Variants in GPC5 observed in about 807,000 individuals in gnomAD.
GPC5 encodes the protein glypican 5.
A neutral mutation model predicts 53.9 loss-of-function variants in GPC5; 47 were observed. The observed-to-expected ratio is 0.87, with a 90% CI of 0.69 to 1.11. The LOEUF is 1.11. Among genes scored for constraint, GPC5 ranks in the 50% most tolerant of loss-of-function variants. The probability of loss-of-function intolerance (pLI) is 0.00; values close to 1 mark genes in which losing one functional copy is unlikely to be tolerated. For missense variants in GPC5, 748 were observed against 713.1 expected (o/e 1.05, Z -0.56); for synonymous variants, 286 against 263.3 (o/e 1.09, Z -0.84).
In GPC5 at chr13:92,045,133, C is replaced by G. The variant is rs151062270; in HGVS notation, c.1402-99697C>G. ...TTCCCTCCATAGAACTTGTACCCCC[C>G]AAAACTGCTAACAGAGCAGTTGAAT... is the stretch of plus-strand genomic sequence containing the variant. On this transcript the variant is annotated intron_variant, in intron 6 of 7. Coordinates refer to ENST00000377067, the MANE Select transcript of GPC5 (RefSeq NM_004466.6). 8.2e-3 allele frequency among the ~76,000 whole-genome samples: 1,252 copies of G among 152,282 alleles called. 19 individuals carry two copies. The highest frequency in any genetic ancestry group is 0.028 in the African/African-American group (1,165 of 41,546).
At chr13:91,923,264 C>T (rs761292312) in intron 6 of GPC5, among the ~76,000 whole-genome samples, 17 of 152,132 alleles carry the variant, frequency 1.1e-4, no homozygotes, top group Non-Finnish European at 2.1e-4. Flanking sequence ...AATAAATGTA[C>T]TCTGTAATCA....
At chr13:92,516,516 G>A (rs926614863) in intron 7 of GPC5, among the ~76,000 whole-genome samples, 2 of 152,110 alleles carry the variant, frequency 1.3e-5, no homozygotes, top group African/African-American at 4.8e-5. Context: ...GATATTCTTT[G>A]AAAATTTGAA....
At chr13:91,953,434 T>C (rs1241191804) in intron 6 of GPC5, among the ~76,000 whole-genome samples, 1 of 152,126 alleles carries the variant, frequency 6.6e-6, no homozygotes, top group Admixed American at 6.5e-5. Flanking sequence ...GAAATTGTAG[T>C]AGCTACCGAG....
intron 5 of GPC5, among the ~76,000 whole-genome samples, chr13:91,899,443 C>T (rs2039475369): frequency 6.6e-6 from 1 of 152,094 alleles, no homozygotes; most frequent in East Asian, 1.9e-4. Flanking sequence ...TAAAATGTTT[C>T]TCATGGGAAA....
chr13:92,671,637 T>C (rs1355238634), intron 7 of GPC5, among the ~76,000 whole-genome samples: 1 of 152,160 alleles, frequency 6.6e-6, no homozygotes, highest in African/African-American at 2.4e-5. Context: ...TGGGCAGAAT[T>C]CAGATAGATA....
intron 7 of GPC5, among the ~76,000 whole-genome samples, chr13:92,210,852 C>A (rs545243672): frequency 2.6e-5 from 4 of 152,260 alleles, no homozygotes; most frequent in African/African-American, 9.6e-5. Context: ...TGTGTGTTGG[C>A]ATGACTTTGA....
At chr13:91,885,310 G>T (rs1485995296) in intron 5 of GPC5, among the ~76,000 whole-genome samples, 1 of 152,170 alleles carries the variant, frequency 6.6e-6, no homozygotes, top group Non-Finnish European at 1.5e-5. Context: ...AATGTTAACA[G>T]AGAAGAAGAA....
chr13:91,706,190 T>G (rs1452047076), intron 3 of GPC5, among the ~76,000 whole-genome samples: 1 of 150,890 alleles, frequency 6.6e-6, no homozygotes, highest in African/African-American at 2.5e-5. Context: ...TAGCTACATG[T>G]AATTTTTTTT....
intron 7 of GPC5, among the ~76,000 whole-genome samples, chr13:92,858,912 T>C (rs1375557703): frequency 1.3e-5 from 2 of 152,292 alleles, no homozygotes; most frequent in Middle Eastern, 3.4e-3. Context: ...CTGTATAGAA[T>C]TCTATATAGA....
chr13:91,881,910 A>G (rs2138950987), intron 5 of GPC5, among the ~76,000 whole-genome samples: 1 of 152,304 alleles, frequency 6.6e-6, no homozygotes, highest in Admixed American at 6.5e-5. Flanking sequence ...CTAATCCACA[A>G]AAACTTAAAA....
At chr13:92,018,978 T>C (rs1033083783) in intron 6 of GPC5, among the ~76,000 whole-genome samples, 16 of 152,040 alleles carry the variant, frequency 1.1e-4, no homozygotes, top group Non-Finnish European at 1.6e-4. Context: ...TAAATATTGT[T>C]AGATTCTTTG....
At chr13:92,184,114 T>C (rs1022599731) in intron 7 of GPC5, among the ~76,000 whole-genome samples, 2 of 152,096 alleles carry the variant, frequency 1.3e-5, no homozygotes, top group Admixed American at 1.3e-4. Context: ...TTATGGTGTA[T>C]TATTTATACT....
intron 7 of GPC5, among the ~76,000 whole-genome samples, chr13:92,612,647 C>G (rs570410906): frequency 6.6e-6 from 1 of 152,218 alleles, no homozygotes; most frequent in African/African-American, 2.4e-5. Context: ...ATGTTGTTCT[C>G]ATAGTGCTCA....
In GPC5 at chr13:92,250,807, T is replaced by C. The variant is rs185147732; in HGVS notation, c.1561+105818T>C. On this transcript the variant is annotated intron_variant, in intron 7 of 7. Coordinates refer to ENST00000377067, the MANE Select transcript of GPC5 (RefSeq NM_004466.6). ...CAGATCCCACTAAGTAAGGATGTAATGTAAACTAATAAAAATAAAGCCTGA... is the reference window on the plus strand; with the variant it reads ...CAGATCCCACTAAGTAAGGATGTAACGTAAACTAATAAAAATAAAGCCTGA... Among the ~76,000 whole-genome samples the C allele has an allele frequency of 2.1e-3, 314 of 152,144 alleles. 1 individual carries two copies. Among genetic ancestry groups the C allele is most frequent in the Non-Finnish European group, 3.5e-3 (241 of 68,014 alleles).
intron 3 of GPC5, among the ~76,000 whole-genome samples, chr13:91,713,482 C>T (rs551662495): frequency 6.6e-6 from 1 of 152,208 alleles, no homozygotes; most frequent in African/African-American, 2.4e-5. Flanking sequence ...CCGTCATTTT[C>T]TCTACCTCTG....
chr13:91,654,266 T>C (rs2034792893), intron 2 of GPC5, among the ~76,000 whole-genome samples: 1 of 152,174 alleles, frequency 6.6e-6, no homozygotes, highest in African/African-American at 2.4e-5. Context: ...GATCCAGAAA[T>C]TCTACTTTGA....
intron 2 of GPC5, among the ~76,000 whole-genome samples, chr13:91,520,736 A>ATGTGTGTGTGTGTG (rs780335050): frequency 1.4e-5 from 2 of 144,360 alleles, no homozygotes; most frequent in Non-Finnish European, 3.0e-5. Context: ...GTGTGTGTGT[A>ATGTGTGTGTGTGTG]TATATATATA....
intron 7 of GPC5, among the ~76,000 whole-genome samples, chr13:92,711,528 C>T (rs2139270197): frequency 6.6e-6 from 1 of 152,160 alleles, no homozygotes. Context: ...CTCTGTCTCA[C>T]TAATCGATAG....
intron 5 of GPC5, among the ~76,000 whole-genome samples, chr13:91,839,358 G>A (rs974292218): frequency 3.3e-5 from 5 of 151,912 alleles, no homozygotes; most frequent in African/African-American, 1.2e-4. Flanking sequence ...CACCCTCACT[G>A]GCAATCCATG....
Sources: allele counts gnomAD v4.1 joint callset (sites outside exome capture counted in the v4.1 genomes callset), GRCh38; gene constraint gnomAD v4.1.1; transcripts MANE v1.5; gene names NCBI Gene and HGNC (gene_info 2026-07-23, HGNC 2026-07-21).